COL6A3: variants seen among roughly 807,000 people sequenced by gnomAD.
COL6A3 encodes the protein collagen type VI alpha 3 chain, also known as collagen alpha-3(VI) chain.
Under a neutral mutation model 274.1 loss-of-function variants are expected in COL6A3, and 137 were observed. The ratio of observed to expected loss-of-function variants is 0.50; its 90% CI spans 0.44 to 0.58. The LOEUF (loss-of-function observed/expected upper bound fraction) is 0.58, where lower values mean the gene tolerates loss of function less well. COL6A3 is among the 20% of genes least tolerant of loss of function. The pLI is 0.00. For missense variants in COL6A3, 3,950 were observed against 4,124.9 expected, an observed-to-expected ratio of 0.96 and a Z score of 1.16; for synonymous variants, 1,650 against 1,650.6, an observed-to-expected ratio of 1.00 and a Z score of 0.01.
intron 16 of COL6A3, among the ~76,000 whole-genome samples, 180 bp downstream of exon 16, chr2:237,360,941 A>G (rs565749229): frequency 1.8e-4 from 28 of 152,322 alleles, no homozygotes; most frequent in African/African-American, 5.1e-4. Flanking sequence ...CACATTTGTC[A>G]TACTTCAATT....
At position 237,324,747 on chromosome 2, in the gene COL6A3, G is replaced by C. The variant is rs780296574; in HGVS notation, c.*27C>G. 4 of 1,612,588 alleles carry C rather than the reference G, an allele frequency of 2.5e-6. No homozygotes were observed. Among genetic ancestry groups the C allele is most frequent in the East Asian group, 4.5e-5 (2 of 44,862 alleles). ...CGATGGCTGACTCCTTCTTCTTCAA[G>C]AGGTATATGATGTTGGCCACCCACG... On this transcript the variant is annotated 3_prime_UTR_variant, in exon 44 of 44. Coordinates refer to ENST00000295550, the MANE Select transcript of COL6A3 (RefSeq NM_004369.4).
chr2:237,350,970 C>T (rs909965326), intron 27 of COL6A3, among the ~76,000 whole-genome samples, 160 bp downstream of exon 27: 4 of 152,016 alleles, frequency 2.6e-5, no homozygotes, highest in African/African-American at 9.7e-5. Flanking sequence ...TGTTGGGGGA[C>T]AATGATTCCA....
chr2:237,330,317 G>A (rs1700160699), intron 42 of COL6A3: 1 of 152,150 alleles, frequency 6.6e-6, no homozygotes, highest in Non-Finnish European at 1.5e-5. Flanking sequence ...GTGGCAGAAA[G>A]GCCCAGCACA....
intron 26 of COL6A3, among the ~76,000 whole-genome samples, 176 bp downstream of exon 26, chr2:237,352,346 G>A (rs1224146459): frequency 6.6e-6 from 1 of 152,152 alleles, no homozygotes; most frequent in Non-Finnish European, 1.5e-5. Flanking sequence ...TACTTTCTTG[G>A]GGTGAAGTAG....
In COL6A3 at chr2:237,374,896, G is replaced by A. The variant is rs1170658959; in HGVS notation, c.3195C>T (p.Val1065=). The change falls in exon 8 of 44, where the codon GTC becomes GTT. Residue 1065 remains valine (V), a synonymous_variant. Transcript: ENST00000295550. The surrounding 1 kb of genome is among the most constrained non-coding windows in gnomAD (Gnocchi z 4.8). ...VESLDVGQDR[V]RVAVVQYSDR... ...CGCTGTACTGCACCACGGCCACGCG[G>A]ACCCGGTCCTGGCCCACATCCAGGC... The A allele has an allele frequency of 6.2e-7, 1 of 1,613,774 alleles. No individual in the cohort carries two copies. Among genetic ancestry groups the A allele is most frequent in the Non-Finnish European group, 8.5e-7 (1 of 1,179,994 alleles).
chr2:237,391,833 G>A (rs1449747958), intron 3 of COL6A3, among the ~76,000 whole-genome samples: 1 of 152,110 alleles, frequency 6.6e-6, no homozygotes, highest in African/African-American at 2.4e-5. Context: ...TTTTTGGTAG[G>A]TCTTTGTTAT....
intron 9 of COL6A3, among the ~76,000 whole-genome samples, chr2:237,370,621 C>T (rs2077664515): frequency 6.6e-6 from 1 of 152,188 alleles, no homozygotes; most frequent in Non-Finnish European, 1.5e-5. Context: ...TTTAGGTACT[C>T]CTCAGATGCT....
chr2:237,352,305 A>G (rs1237303810), intron 26 of COL6A3, among the ~76,000 whole-genome samples: 2 of 152,228 alleles, frequency 1.3e-5, no homozygotes, highest in Non-Finnish European at 2.9e-5. Flanking sequence ...TGAGACTTAG[A>G]GGCCCATGGA....
chr2:237,363,747 G>T (rs1181936213), intron 13 of COL6A3, among the ~76,000 whole-genome samples: 1 of 152,172 alleles, frequency 6.6e-6, no homozygotes, highest in Non-Finnish European at 1.5e-5. Context: ...GATAATAGCA[G>T]CCTCATCTCC....
At position 237,342,172 on chromosome 2, in the gene COL6A3, C is replaced by G; in HGVS notation, c.7669-11G>C. ...TGCTGTGTTATTGATCTGGTTTAAA[C>G]AAAAGAACAATTTTGGTAGGGGCGT... On this transcript the variant is annotated splice_polypyrimidine_tract_variant and intron_variant, in intron 36 of 43. Transcript: ENST00000295550. 6.2e-7 allele frequency: 1 copy of G among 1,612,708 alleles called. No homozygotes were observed. The highest frequency in any genetic ancestry group is 8.5e-7 in the Non-Finnish European group (1 of 1,178,970).
chr2:237,389,000 T>G (rs955502207), intron 3 of COL6A3, among the ~76,000 whole-genome samples: 6 of 152,158 alleles, frequency 3.9e-5, no homozygotes, highest in Non-Finnish European at 7.3e-5. Flanking sequence ...ATGAAACCGG[T>G]CATGACATAA....
chr2:237,330,799 G>A (rs1383161426), intron 42 of COL6A3, among the ~76,000 whole-genome samples: 2 of 152,152 alleles, frequency 1.3e-5, no homozygotes, highest in African/African-American at 2.4e-5. Flanking sequence ...ATATGCAAAC[G>A]AAAACCAATG....
intron 36 of COL6A3, 129 bp from the exon 37 acceptor site, chr2:237,342,290 A>C: frequency 2.7e-6 from 2 of 750,424 alleles, no homozygotes; most frequent in Non-Finnish European, 4.7e-6. Context: ...AGTATTGGGA[A>C]TATCTTCTCA....
intron 3 of COL6A3, among the ~76,000 whole-genome samples, chr2:237,389,856 G>T (rs2078243939): frequency 6.6e-6 from 1 of 152,156 alleles, no homozygotes; most frequent in African/African-American, 2.4e-5. Flanking sequence ...TTTAGTAATT[G>T]CCACACAAAA....
intron 26 of COL6A3, among the ~76,000 whole-genome samples, chr2:237,351,488 G>A (rs760039151): frequency 1.1e-4 from 17 of 152,310 alleles, no homozygotes; most frequent in African/African-American, 1.7e-4. Context: ...CTGACAGGAC[G>A]GCAAGCTCCC....
intron 4 of COL6A3, 129 bp downstream of exon 4, chr2:237,387,453 G>T: frequency 2.2e-6 from 3 of 1,367,452 alleles, no homozygotes; most frequent in Non-Finnish European, 3.1e-6. Flanking sequence ...AGCTCATCAG[G>T]GAAGGACTGG....
At chr2:237,325,447 A>G in intron 43 of COL6A3, 113 bp downstream of exon 43, 1 of 1,194,952 alleles carries the variant, frequency 8.4e-7, no homozygotes, top group Non-Finnish European at 1.2e-6. Context: ...GATACACTTT[A>G]TCTTCTTTTT....
rs560489607 is a variant in COL6A3, at chr2:237,393,374, C to A, written c.709+1213G>T. 3.9e-5 allele frequency among the ~76,000 whole-genome samples: 6 copies of A among 152,234 alleles called. No individual in the cohort carries two copies. In the South Asian group the frequency reaches 1.2e-3, roughly 32 times the overall value. On this transcript the variant is annotated intron_variant, in intron 3 of 43. Coordinates refer to ENST00000295550, the MANE Select transcript of COL6A3 (RefSeq NM_004369.4). ...CAGCTGATCAAAAATAACTTCAATC[C>A]CTCCAAGCCCCCAAGCCCCACTGCT...
At chr2:237,410,397 C>G (rs2078828644) in intron 1 of COL6A3, among the ~76,000 whole-genome samples, 3 of 151,778 alleles carry the variant, frequency 2.0e-5, no homozygotes. Flanking sequence ...CCTCAACCTC[C>G]CAGGCTCAAG....
Sources: gnomAD v4.1 joint callset for allele counts (sites outside exome capture counted in the v4.1 genomes callset) on GRCh38, gnomAD v4.1.1 for gene constraint, Gnocchi (gnomAD v3.1) non-coding constraint, MANE v1.5 for transcripts, NCBI Gene and HGNC (gene_info 2026-07-23, HGNC 2026-07-21) for gene names.